The following CCDC80 variants were observed in gnomAD, a reference collection of about 807,000 sequenced individuals.
CCDC80 encodes coiled-coil domain-containing protein 80.
A neutral mutation model predicts 78.7 loss-of-function variants in CCDC80; 49 were observed. The observed-to-expected ratio is 0.62, with a 90% confidence interval of 0.50 to 0.79. The LOEUF is 0.79. CCDC80 is among the 30% of genes least tolerant of loss of function. CCDC80 has a pLI of 0.00. For synonymous variants in CCDC80, 488 were observed against 447.0 expected (o/e 1.09, Z -1.16); for missense variants, 1,205 against 1,198.6 (o/e 1.01, Z -0.08).
At chr3:112,611,882 T>A (rs1014187723) in intron 5 of CCDC80, among the ~76,000 whole-genome samples, 3 of 152,078 alleles carry the variant, frequency 2.0e-5, no homozygotes, top group Admixed American at 2.0e-4. Flanking sequence ...GGAGTGAACA[T>A]GAGAGTTTTC....
chr3:112,637,092 C>T (rs6794217), intron 2 of CCDC80, among the ~76,000 whole-genome samples: 6,414 of 152,222 alleles, frequency 0.042, 450 homozygotes, highest in African/African-American at 0.15. Flanking sequence ...ATGGCCAAAA[C>T]AGAGAGTTGC....
chr3:112,613,035 G>A (rs1410107800), intron 5 of CCDC80, among the ~76,000 whole-genome samples: 5 of 151,844 alleles, frequency 3.3e-5, no homozygotes, highest in Admixed American at 6.6e-5. Context: ...CTTTGTACTG[G>A]GTCCTGGGCC....
At chr3:112,626,209 C>T (rs1335626559) in intron 3 of CCDC80, among the ~76,000 whole-genome samples, 1 of 152,054 alleles carries the variant, frequency 6.6e-6, no homozygotes, top group Non-Finnish European at 1.5e-5. Context: ...CTCTAGGGCA[C>T]AGAATGATTG....
At position 112,605,409 on chromosome 3, in the gene CCDC80, A is replaced by G. The variant is rs1935460417; in HGVS notation, c.*8T>C. ...AAACTGGCTGAGTCTAAGGTTACAT[A>G]TTTCTGCTCAGTAAGGGTATCCATG... is the stretch of plus-strand genomic sequence containing the variant. On this transcript the variant is annotated 3_prime_UTR_variant, in exon 8 of 8. Coordinates refer to ENST00000206423, the MANE Select transcript of CCDC80 (RefSeq NM_199511.3). 1 of 1,598,546 alleles carries G rather than the reference A, an allele frequency of 6.3e-7. No homozygotes were observed. The highest frequency in any genetic ancestry group is 8.6e-7 in the Non-Finnish European group (1 of 1,168,664).
intron 3 of CCDC80, among the ~76,000 whole-genome samples, chr3:112,626,246 G>A (rs941767915): frequency 6.6e-6 from 1 of 152,128 alleles, no homozygotes; most frequent in Non-Finnish European, 1.5e-5. Context: ...CAAAGCAGAG[G>A]GGGACACACA....
Position 112,616,430 on chromosome 3 carries a change from A to C in CCDC80, c.2321+280T>G, listed in dbSNP as rs13086960. Among the ~76,000 whole-genome samples, 7 of 122,780 alleles carry C rather than the reference A, an allele frequency of 5.7e-5. No homozygotes were observed. In the Admixed American group the frequency reaches 5.7e-4, roughly 10 times the overall value. The allele number at this position is 122,780 out of a possible 152,430, so 80.5% of individuals were successfully genotyped here. A position where few individuals can be genotyped will look rare whatever the true frequency, so the allele number is the denominator to read the frequency against. ...AGGATTCTATATTCTGTACCAAAGA[A>C]AGAGAAAAAAAAAGAAAAGAAAAAA... On this transcript the variant is annotated intron_variant, in intron 5 of 7. Transcript: ENST00000206423.
chr3:112,606,986 C>CTAA (rs1935525720), intron 7 of CCDC80, among the ~76,000 whole-genome samples, 190 bp downstream of exon 7: 1 of 152,122 alleles, frequency 6.6e-6, no homozygotes, highest in Non-Finnish European at 1.5e-5. Flanking sequence ...ATATTAGTCC[C>CTAA]TGTACTCCAC....
At chr3:112,616,914 T>C in intron 4 of CCDC80, 56 bp from the exon 5 acceptor site, 1 of 1,541,848 alleles carries the variant, frequency 6.5e-7, no homozygotes, top group Non-Finnish European at 8.9e-7. Flanking sequence ...TTCTCTCTAT[T>C]CAGAGGATAG....
intron 3 of CCDC80, among the ~76,000 whole-genome samples, chr3:112,624,937 C>T (rs76684180): frequency 0.047 from 7,225 of 152,150 alleles, 559 homozygotes; most frequent in African/African-American, 0.16. Context: ...AAATCAGAAT[C>T]ACCTGAGCAA....
At chr3:112,624,427 G>A (rs930102492) in intron 3 of CCDC80, among the ~76,000 whole-genome samples, 1 of 152,182 alleles carries the variant, frequency 6.6e-6, no homozygotes, top group African/African-American at 2.4e-5. Flanking sequence ...CAGGAGTGCT[G>A]AGCAGTCCAT....
At chr3:112,623,758 G>A (rs1019629250) in intron 3 of CCDC80, among the ~76,000 whole-genome samples, 1 of 151,668 alleles carries the variant, frequency 6.6e-6, no homozygotes, top group East Asian at 1.9e-4. Context: ...CACATGTTAT[G>A]CTCCAGCCCC....
rs1936301726 is a variant in CCDC80, at chr3:112,639,669, A to G, written c.237T>C (p.Ser79=). 3.7e-6 allele frequency: 6 copies of G among 1,613,712 alleles called. No individual in the cohort carries two copies. Among genetic ancestry groups the G allele is most frequent in the Admixed American group, 3.3e-5 (2 of 59,968 alleles). ...PNLQPLQRRR[S]VPVLRLARPT... Reference sequence around the variant, plus strand: ...GGCGAGCTAGTCTCAACACGGGCACACTCCTCCTTCTCTGGAGAGGCTGAA... The same window carrying G: ...GGCGAGCTAGTCTCAACACGGGCACGCTCCTCCTTCTCTGGAGAGGCTGAA... The change falls in exon 2 of 8, where the codon AGT becomes AGC. Residue 79 remains serine (S), a synonymous_variant. Transcript: ENST00000206423.
chr3:112,638,008 C>T lies in CCDC80; in HGVS notation c.1878+20G>A. 1 of 1,575,090 alleles carries T rather than the reference C, an allele frequency of 6.3e-7. No individual in the cohort carries two copies. The highest frequency in any genetic ancestry group is 8.6e-7 in the Non-Finnish European group (1 of 1,167,090). On this transcript the variant is annotated intron_variant, in intron 2 of 7. Transcript: ENST00000206423. ...CCCTGCCTCAGCCCATAGAAGAATG[C>T]CAAGGAGAAGGCTACTTACAAGGAG... is the stretch of plus-strand genomic sequence containing the variant.
At chr3:112,606,398 T>TTTTGTTTTG (rs1935497007) in intron 7 of CCDC80, among the ~76,000 whole-genome samples, 5 of 147,924 alleles carry the variant, frequency 3.4e-5, no homozygotes, top group Admixed American at 2.7e-4. Flanking sequence ...CAAGAGTCTT[T>TTTTGTTTTG]TTTTGTTTTG....
intron 2 of CCDC80, among the ~76,000 whole-genome samples, chr3:112,631,304 G>C (rs1365680209): frequency 6.6e-6 from 1 of 152,104 alleles, no homozygotes; most frequent in African/African-American, 2.4e-5. Context: ...AAGCTAGTGG[G>C]CATAATGCTG....
At chr3:112,629,286 T>G (rs946255396) in intron 3 of CCDC80, among the ~76,000 whole-genome samples, 2 of 152,106 alleles carry the variant, frequency 1.3e-5, no homozygotes, top group African/African-American at 4.8e-5. Flanking sequence ...TAAGGTTTTT[T>G]TTTTTTGTAG....
chr3:112,637,400 T>C (rs890033654), intron 2 of CCDC80, among the ~76,000 whole-genome samples: 1 of 152,166 alleles, frequency 6.6e-6, no homozygotes, highest in Non-Finnish European at 1.5e-5. Flanking sequence ...TAGCTCATTT[T>C]AAAAGGATCC....
chr3:112,601,071 C>G lies in CCDC80; in HGVS notation c.*4346G>C, dbSNP rs1935365281. 1.3e-5 allele frequency: 2 copies of G among 152,166 alleles called. No individual in the cohort carries two copies. Among genetic ancestry groups the G allele is most frequent in the South Asian group, 4.1e-4 (2 of 4,832 alleles). 9.4% of individuals were successfully genotyped at this position (152,166 alleles called of 1,614,324 possible). On this transcript the variant is annotated 3_prime_UTR_variant, in exon 8 of 8. Transcript: ENST00000206423. ...AGGGATGAGATGGGAGCATAATTCA[C>G]ACACTAAGAACTGAGTTCTAAAGTC... is the stretch of plus-strand genomic sequence containing the variant.
chr3:112,638,210 C>T lies in CCDC80; in HGVS notation c.1696G>A (p.Glu566Lys). The T allele has an allele frequency of 6.2e-7, 1 of 1,612,750 alleles. No homozygotes were observed. Among genetic ancestry groups the T allele is most frequent in the South Asian group, 1.1e-5 (1 of 91,042 alleles). The change falls in exon 2 of 8, where the codon GAA becomes AAA. Residue 566 changes from glutamate to lysine, a missense_variant. Physicochemically the swap from Glu to Lys is moderately conservative, Grantham distance 56 (BLOSUM62 1). Transcript: ENST00000206423. ...NENADKLLKS[E>K]KQMKKSEKKS... Reference sequence around the variant, plus strand: ...TTCTCAGACTTCTTCATTTGCTTTTCACTCTTAAGTAACTTGTCTGCGTTC... The same window carrying T: ...TTCTCAGACTTCTTCATTTGCTTTTTACTCTTAAGTAACTTGTCTGCGTTC...
Sources: gnomAD v4.1 joint callset for allele counts (sites outside exome capture counted in the v4.1 genomes callset) on GRCh38, gnomAD v4.1.1 for gene constraint, MANE v1.5 for transcripts, NCBI Gene and HGNC (gene_info 2026-07-23, HGNC 2026-07-21) for gene names.